TMEM161B: variants seen among roughly 807,000 people sequenced by gnomAD.
The protein encoded by TMEM161B is transmembrane protein 161B.
A neutral mutation model predicts 61.8 loss-of-function variants in TMEM161B; 34 were observed. That is an observed-to-expected ratio of 0.55 (90% CI 0.42 to 0.73). The LOEUF is 0.73. Among genes scored for constraint, TMEM161B ranks in the 30% least tolerant of loss-of-function variants. The pLI is 0.00. For synonymous variants in TMEM161B, 167 were observed against 192.8 expected, an observed-to-expected ratio of 0.87 and a Z score of 1.11; for missense variants, 456 against 558.5, an observed-to-expected ratio of 0.82 and a Z score of 1.85.
At chr5:88,244,128 A>AAT (rs1753208449) in intron 1 of TMEM161B, among the ~76,000 whole-genome samples, 2 of 151,648 alleles carry the variant, frequency 1.3e-5, no homozygotes, top group Admixed American at 1.3e-4. Context: ...AGCTCTTTAA[A>AAT]AGAGTATAAT....
chr5:88,268,702 C>G lies in TMEM161B; in HGVS notation c.3+19G>C. ...TTTCGCCCCACCGTTGTCACTCCTG[C>G]CCTCACAGAAGAACTCACCATGGCG... is the stretch of plus-strand genomic sequence containing the variant. On this transcript the variant is annotated intron_variant, in intron 1 of 11. Coordinates refer to ENST00000296595, the MANE Select transcript of TMEM161B (RefSeq NM_153354.5). The G allele has an allele frequency of 6.2e-7, 1 of 1,614,132 alleles. No homozygotes were observed. The highest frequency in any genetic ancestry group is 8.5e-7 in the Non-Finnish European group (1 of 1,179,992).
At chr5:88,264,462 G>C (rs1756092710) in intron 1 of TMEM161B, among the ~76,000 whole-genome samples, 1 of 152,196 alleles carries the variant, frequency 6.6e-6, no homozygotes, top group African/African-American at 2.4e-5. Context: ...TGGAGAAATA[G>C]GAACGCTTTT....
At chr5:88,212,296 C>A (rs1008660666) in intron 5 of TMEM161B, among the ~76,000 whole-genome samples, 1 of 152,132 alleles carries the variant, frequency 6.6e-6, no homozygotes, top group African/African-American at 2.4e-5. Context: ...CATGCTTTAG[C>A]AGAAAGCGCC....
chr5:88,236,166 C>T (rs559517613), intron 2 of TMEM161B, among the ~76,000 whole-genome samples: 6 of 151,996 alleles, frequency 3.9e-5, no homozygotes, highest in African/African-American at 7.2e-5. Context: ...CCTCTTTAAC[C>T]GATATGGGAT....
chr5:88,240,945 A>G (rs1486726644), intron 1 of TMEM161B, 29 bp from the exon 2 acceptor site: 1 of 1,461,634 alleles, frequency 6.8e-7, no homozygotes. Context: ...CAAATTTAAT[A>G]ATGAATGATT....
At chr5:88,217,905 G>GAA (rs5869420) in intron 5 of TMEM161B, among the ~76,000 whole-genome samples, 3 of 134,022 alleles carry the variant, frequency 2.2e-5, no homozygotes, top group Non-Finnish European at 3.2e-5. Flanking sequence ...ATACTAGGCA[G>GAA]AAAAAAAAAA....
chr5:88,245,505 G>T lies in TMEM161B; in HGVS notation c.4-4589C>A, dbSNP rs1753475492. ...TGTAAACAATGGCAACATCAACCTA[G>T]CTTTGAAAGAACTAACAGCATTACA... On this transcript the variant is annotated intron_variant, in intron 1 of 11. Transcript: ENST00000296595. Among the ~76,000 whole-genome samples the T allele has an allele frequency of 3.9e-5, 6 of 151,982 alleles. No homozygotes were observed. In the South Asian group the frequency reaches 1.2e-3, roughly 31 times the overall value.
intron 2 of TMEM161B, among the ~76,000 whole-genome samples, chr5:88,238,735 A>C (rs1355297738): frequency 6.6e-6 from 1 of 152,100 alleles, no homozygotes; most frequent in Non-Finnish European, 1.5e-5. Flanking sequence ...AAACAGAATT[A>C]TTATATATTA....
intron 1 of TMEM161B, among the ~76,000 whole-genome samples, chr5:88,253,696 G>A (rs1301175032): frequency 6.6e-5 from 10 of 152,058 alleles, no homozygotes; most frequent in Admixed American, 5.2e-4. Context: ...ACTATAATGG[G>A]AAAAATAAAT....
chr5:88,254,527 G>A (rs1167217016), intron 1 of TMEM161B, among the ~76,000 whole-genome samples: 2 of 152,086 alleles, frequency 1.3e-5, no homozygotes, highest in Non-Finnish European at 2.9e-5. Flanking sequence ...AGCATATTAG[G>A]TAAAAACATC....
intron 1 of TMEM161B, among the ~76,000 whole-genome samples, chr5:88,253,981 G>A (rs1257708393): frequency 6.6e-6 from 1 of 151,578 alleles, no homozygotes; most frequent in Non-Finnish European, 1.5e-5. Flanking sequence ...AAATCTGACA[G>A]TTACTAGAAT....
intron 4 of TMEM161B, among the ~76,000 whole-genome samples, chr5:88,225,326 G>A (rs1580518779): frequency 6.6e-6 from 1 of 152,236 alleles, no homozygotes; most frequent in South Asian, 2.1e-4. Context: ...TAGGCTATTA[G>A]TAGTTAGGTT....
intron 1 of TMEM161B, among the ~76,000 whole-genome samples, chr5:88,249,165 A>G (rs907135522): frequency 6.6e-5 from 10 of 152,098 alleles, no homozygotes; most frequent in African/African-American, 2.4e-4. Flanking sequence ...TGCCCTCCAC[A>G]GAAAGAAAGC....
At chr5:88,204,304 G>A (rs1314754132) in intron 8 of TMEM161B, among the ~76,000 whole-genome samples, 1 of 152,042 alleles carries the variant, frequency 6.6e-6, no homozygotes, top group Non-Finnish European at 1.5e-5. Context: ...ATGAGGGGCT[G>A]CAATAAACTG....
chr5:88,187,782 C>G (rs1251681889), downstream of TMEM161B, among the ~76,000 whole-genome samples: 3 of 149,678 alleles, frequency 2.0e-5, no homozygotes, highest in Non-Finnish European at 3.0e-5. Context: ...TTAATTTTCT[C>G]TATTATACAT....
At chr5:88,251,300 T>C (rs537582055) in intron 1 of TMEM161B, among the ~76,000 whole-genome samples, 2 of 152,198 alleles carry the variant, frequency 1.3e-5, no homozygotes, top group Non-Finnish European at 2.9e-5. Context: ...AATAGTGATG[T>C]TATCTGTAGG....
In TMEM161B at chr5:88,205,715, T is replaced by G. The variant is rs1042207514; in HGVS notation, c.800+99A>C. On this transcript the variant is annotated intron_variant, in intron 8 of 11. Coordinates refer to ENST00000296595, the MANE Select transcript of TMEM161B (RefSeq NM_153354.5). Reference sequence around the variant, plus strand: ...GTGTGACATCAAATGGTTATTAATTTTCAATACAATAATTTATGATTACAT... The same window carrying G: ...GTGTGACATCAAATGGTTATTAATTGTCAATACAATAATTTATGATTACAT... 3 of 1,378,446 alleles carry G rather than the reference T, an allele frequency of 2.2e-6. No individual in the cohort carries two copies. In the African/African-American group the frequency reaches 4.6e-5, roughly 21 times the overall value. The allele number at this position is 1,378,446 out of a possible 1,614,324, so 85.4% of individuals were successfully genotyped here.
chr5:88,189,300 T>G (rs1236549516), downstream of TMEM161B, among the ~76,000 whole-genome samples: 1 of 152,288 alleles, frequency 6.6e-6, no homozygotes, highest in African/African-American at 2.4e-5. Flanking sequence ...AAAAATGAGT[T>G]CCACAGTGAA....
rs76658048 is a variant in TMEM161B at position 88,202,762 on chromosome 5, C to T, written c.914+200G>A. 3,868 of 583,152 alleles carry T rather than the reference C, an allele frequency of 6.6e-3. 99 individuals are homozygous for T. Among genetic ancestry groups the T allele is most frequent in the African/African-American group, 0.064 (3,367 of 52,910 alleles). The allele number at this position is 583,152 out of a possible 1,614,324, so 36.1% of individuals were successfully genotyped here. On this transcript the variant is annotated intron_variant, in intron 9 of 11. Transcript: ENST00000296595. ...GGTAATATTAGTGCAAGGTAATAAT[C>T]ATTAACATTAACTAATAAAGATCAC...
Sources: allele counts gnomAD v4.1 joint callset (sites outside exome capture counted in the v4.1 genomes callset), GRCh38; gene constraint gnomAD v4.1.1; transcripts MANE v1.5; gene names NCBI Gene and HGNC (gene_info 2026-07-23, HGNC 2026-07-21).